GTF2H1: variants seen among roughly 807,000 people sequenced by gnomAD.
GTF2H1 encodes the protein general transcription factor IIH subunit 1, also known as BTF2 p62.
GTF2H1 carries 16 observed loss-of-function variants against 71.2 expected under a neutral mutation model. The observed-to-expected ratio is 0.22, with a 90% CI of 0.15 to 0.34. GTF2H1 has a LOEUF of 0.34. Ranked by LOEUF, GTF2H1 falls within the 10% of genes least tolerant of loss-of-function variation. The pLI is 1.00. For synonymous variants in GTF2H1, 215 were observed against 219.0 expected, an observed-to-expected ratio of 0.98 and a Z score of 0.16; for missense variants, 498 against 648.2, an observed-to-expected ratio of 0.77 and a Z score of 2.52.
intron 11 of GTF2H1, among the ~76,000 whole-genome samples, chr11:18,356,597 G>A (rs1263530349): frequency 6.6e-6 from 1 of 151,960 alleles, no homozygotes; most frequent in Non-Finnish European, 1.5e-5. Flanking sequence ...GGTGGTGTTT[G>A]TTTGATTTAG....
At chr11:18,335,625 G>A (rs1865006958) in intron 2 of GTF2H1, 129 bp from the exon 3 acceptor site, 3 of 630,404 alleles carry the variant, frequency 4.8e-6, no homozygotes, top group African/African-American at 1.8e-5. Context: ...TTCTACAAAA[G>A]CATCAGTATT....
intron 1 of GTF2H1, among the ~76,000 whole-genome samples, chr11:18,332,312 G>T (rs990570488): frequency 2.0e-5 from 3 of 152,172 alleles, no homozygotes; most frequent in African/African-American, 7.2e-5. Flanking sequence ...CCTGGCCCAT[G>T]GCAGACAGCA....
At chr11:18,333,033 T>C in intron 1 of GTF2H1, 27 bp from the exon 2 acceptor site, 1 of 1,546,326 alleles carries the variant, frequency 6.5e-7, no homozygotes, top group Admixed American at 2.0e-5. Flanking sequence ...GAATAGTTTT[T>C]TTCTTCATCT....
At chr11:18,350,871 C>T (rs536418514) in intron 9 of GTF2H1, among the ~76,000 whole-genome samples, 2 of 152,140 alleles carry the variant, frequency 1.3e-5, no homozygotes, top group East Asian at 1.9e-4. Context: ...AAAATTTAAG[C>T]AGGTTGTTAA....
At chr11:18,323,021 C>T (rs954899045) in intron 1 of GTF2H1, among the ~76,000 whole-genome samples, 25 of 152,180 alleles carry the variant, frequency 1.6e-4, no homozygotes, top group African/African-American at 5.5e-4. Flanking sequence ...GGAGGCCTCT[C>T]CCAGACAGAG....
At chr11:18,326,093 C>G (rs1864758473) in intron 1 of GTF2H1, 1 of 152,212 alleles carries the variant, frequency 6.6e-6, no homozygotes. Flanking sequence ...CTACAGATGA[C>G]CAGGAAAATT....
chr11:18,358,751 CTT>C (rs1378893661), intron 13 of GTF2H1, 111 bp downstream of exon 13: 1 of 678,706 alleles, frequency 1.5e-6, no homozygotes, highest in Non-Finnish European at 2.6e-6. Flanking sequence ...TGGGATAACT[CTT>C]TTGCATACAT....
chr11:18,348,932 GCAGTGGTGCAATCTCAGCT>G (rs1865362105), intron 9 of GTF2H1: 1 of 152,170 alleles, frequency 6.6e-6, no homozygotes, highest in Non-Finnish European at 1.5e-5. Flanking sequence ...AGGCTGGAGT[GCAGTGGTGCAATCTCAGCT>G]CACTGCAATC....
chr11:18,333,689 T>G (rs1175227079), intron 2 of GTF2H1: 2 of 152,976 alleles, frequency 1.3e-5, no homozygotes, highest in Non-Finnish European at 2.9e-5. Flanking sequence ...CTTGCTGTGT[T>G]GCCCAGGCCG....
At chr11:18,346,072 A>G (rs4150635) in intron 7 of GTF2H1, among the ~76,000 whole-genome samples, 21,142 of 152,000 alleles carry the variant, frequency 0.14, 1,577 homozygotes, top group African/African-American at 0.19. Context: ...TTACAGGCGT[A>G]AGCCACCACG....
chr11:18,357,767 T>G (rs1236044706), intron 11 of GTF2H1, among the ~76,000 whole-genome samples, 185 bp from the exon 12 acceptor site: 1 of 152,174 alleles, frequency 6.6e-6, no homozygotes, highest in Admixed American at 6.5e-5. Context: ...GTATCTTCTT[T>G]CTACACGGAT....
chr11:18,359,720 T>A (rs758277937), intron 13 of GTF2H1, among the ~76,000 whole-genome samples: 1 of 152,056 alleles, frequency 6.6e-6, no homozygotes, highest in African/African-American at 2.4e-5. Flanking sequence ...TTATTTTATT[T>A]TATTTATTGA....
At chr11:18,342,256 T>TTTTG (rs1865175377) in intron 7 of GTF2H1, among the ~76,000 whole-genome samples, 2 of 25,692 alleles carry the variant, frequency 7.8e-5, no homozygotes, top group African/African-American at 1.8e-4. Flanking sequence ...CTGTCTCTTT[T>TTTTG]TTTTTTTTTT....
chr11:18,330,087 C>A (rs1864859810), intron 1 of GTF2H1, among the ~76,000 whole-genome samples: 1 of 152,170 alleles, frequency 6.6e-6, no homozygotes, highest in Non-Finnish European at 1.5e-5. Context: ...GTACTATAGT[C>A]AAAACGCATC....
intron 1 of GTF2H1, 121 bp from the exon 2 acceptor site, chr11:18,332,939 C>G (rs1864934595): frequency 1.7e-6 from 1 of 579,382 alleles, no homozygotes; most frequent in South Asian, 3.2e-5. Flanking sequence ...AGACTTTCTT[C>G]TTCCCCGTTA....
chr11:18,325,431 T>A (rs1373279755), intron 1 of GTF2H1, among the ~76,000 whole-genome samples: 2 of 152,232 alleles, frequency 1.3e-5, no homozygotes, highest in Non-Finnish European at 2.9e-5. Flanking sequence ...TGTATTCTTT[T>A]AACAGCAAGA....
At chr11:18,362,309 C>T (rs957019181) in intron 14 of GTF2H1, among the ~76,000 whole-genome samples, 2 of 152,086 alleles carry the variant, frequency 1.3e-5, no homozygotes, top group Admixed American at 6.6e-5. Flanking sequence ...ATAGAGCCTG[C>T]AGGACTGCAG....
chr11:18,325,788 A>G (rs1279937275), intron 1 of GTF2H1, among the ~76,000 whole-genome samples: 1 of 152,248 alleles, frequency 6.6e-6, no homozygotes, highest in Non-Finnish European at 1.5e-5. Context: ...TTTTAACTGC[A>G]AATAAATTAA....
At chr11:18,356,533 C>G (rs193115432) in intron 11 of GTF2H1, among the ~76,000 whole-genome samples, 1 of 152,188 alleles carries the variant, frequency 6.6e-6, no homozygotes, top group Non-Finnish European at 1.5e-5. Flanking sequence ...CTATAGTTGT[C>G]CAGTATCTGG....
Sources: gnomAD v4.1 joint callset for allele counts (sites outside exome capture counted in the v4.1 genomes callset) on GRCh38, gnomAD v4.1.1 for gene constraint, MANE v1.5 for transcripts, NCBI Gene and HGNC (gene_info 2026-07-23, HGNC 2026-07-21) for gene names.